The following ATP8B4 variants were observed in gnomAD, a reference collection of about 807,000 sequenced individuals.
ATP8B4 encodes ATPase phospholipid transporting 8B4 (putative).
ATP8B4 carries 133 observed loss-of-function variants against 145.6 expected under a neutral mutation model. The ratio of observed to expected loss-of-function variants is 0.91; its 90% CI spans 0.79 to 1.05. ATP8B4 has a LOEUF of 1.05. Among genes scored for constraint, ATP8B4 ranks in the 50% least tolerant of loss-of-function variants. The pLI, the probability that ATP8B4 is intolerant of heterozygous loss-of-function variation, is 0.00. For synonymous variants in ATP8B4, 507 were observed against 492.9 expected, an observed-to-expected ratio of 1.03 and a Z score of -0.38; for missense variants, 1,458 against 1,425.2, an observed-to-expected ratio of 1.02 and a Z score of -0.37.
At chr15:50,024,239 T>A (rs1319146389) in intron 6 of ATP8B4, among the ~76,000 whole-genome samples, 1 of 152,188 alleles carries the variant, frequency 6.6e-6, no homozygotes, top group African/African-American at 2.4e-5. Flanking sequence ...ACAGATTCTA[T>A]GATAGAGGTA....
intron 23 of ATP8B4, chr15:49,880,735 G>A (rs763199532): frequency 2.0e-5 from 3 of 151,684 alleles, no homozygotes; most frequent in Non-Finnish European, 4.4e-5. Flanking sequence ...TTTTCATTAT[G>A]TGGTCTAAAC....
At chr15:49,931,369 A>G (rs1347422010) in intron 15 of ATP8B4, 62 bp from the exon 16 acceptor site, 2 of 1,479,878 alleles carry the variant, frequency 1.4e-6, no homozygotes, top group African/African-American at 1.4e-5. Flanking sequence ...TAGAGTTCCA[A>G]TGCCAACTCC....
intron 1 of ATP8B4, among the ~76,000 whole-genome samples, chr15:50,138,948 G>T (rs1299046795): frequency 6.6e-6 from 1 of 152,144 alleles, no homozygotes; most frequent in Non-Finnish European, 1.5e-5. Flanking sequence ...TTCTCATGCT[G>T]GCAAGGCTGT....
In ATP8B4 at chr15:49,860,328, G is replaced by A; in HGVS notation, c.3445C>T (p.Arg1149Ter). The A allele has an allele frequency of 1.9e-6, 3 of 1,614,042 alleles. No individual in the cohort carries two copies. Among genetic ancestry groups the A allele is most frequent in the Non-Finnish European group, 2.5e-6 (3 of 1,179,988 alleles). ...GELITSGKNM[R>*]AKNPPPTSGL... Reference sequence around the variant, plus strand: ...GATGTTGGGGGTGGATTTTTAGCTCGCATATTTTTTCCAGATGTGATAAGC... The same window carrying A: ...GATGTTGGGGGTGGATTTTTAGCTCACATATTTTTTCCAGATGTGATAAGC... The change falls in exon 28 of 28, where the codon CGA becomes TGA. Residue 1149 changes from arginine (R) to a stop codon, truncating the protein, a stop_gained. Coordinates refer to ENST00000284509, the MANE Select transcript of ATP8B4 (RefSeq NM_024837.4). LOFTEE classifies it high-confidence loss of function.
intron 20 of ATP8B4, among the ~76,000 whole-genome samples, chr15:49,915,608 G>A (rs1043822247): frequency 4.0e-5 from 6 of 151,878 alleles, no homozygotes; most frequent in Non-Finnish European, 8.8e-5. Flanking sequence ...AATTTAAAGA[G>A]TCAATCCAAA....
chr15:49,950,609 AACAAACAAAC>A (rs2042996943), intron 14 of ATP8B4, among the ~76,000 whole-genome samples: 1 of 101,138 alleles, frequency 9.9e-6, no homozygotes, highest in African/African-American at 3.4e-5. Flanking sequence ...AAAACAAACA[AACAAACAAAC>A]AAAAAAAACA....
intron 23 of ATP8B4, 67 bp from the exon 24 acceptor site, chr15:49,879,526 T>G (rs550796708): frequency 1.4e-6 from 2 of 1,402,604 alleles, no homozygotes; most frequent in East Asian, 4.8e-5. Flanking sequence ...CACATTTAGG[T>G]TAAATAACCA....
chr15:49,923,502 G>GAAA lies in ATP8B4; in HGVS notation c.1643-11_1643-9dup. ...GTCCTTCTGGGTTTCGAACTGAAAA[G>GAAA]AAAAAAGTTTGGAAAAGCAGAATAT... On this transcript the variant is annotated splice_polypyrimidine_tract_variant and intron_variant, in intron 16 of 27. Transcript: ENST00000284509. 3 of 1,573,608 alleles carry GAAA rather than the reference G, an allele frequency of 1.9e-6. No individual in the cohort carries two copies. Among genetic ancestry groups the GAAA allele is most frequent in the Non-Finnish European group, 2.6e-6 (3 of 1,157,880 alleles).
chr15:50,177,203 T>C (rs1339360061), intron 1 of ATP8B4, among the ~76,000 whole-genome samples: 1 of 152,232 alleles, frequency 6.6e-6, no homozygotes, highest in Non-Finnish European at 1.5e-5. Flanking sequence ...TAATCTATAC[T>C]TTTTTGTCAA....
chr15:49,992,376 C>T (rs532171970), intron 9 of ATP8B4, among the ~76,000 whole-genome samples: 1 of 152,266 alleles, frequency 6.6e-6, no homozygotes, highest in South Asian at 2.1e-4. Context: ...ACTTATTAAC[C>T]ACTGTATCCC....
At chr15:50,087,011 CTA>C (rs1470034552) in intron 2 of ATP8B4, among the ~76,000 whole-genome samples, 1 of 102,850 alleles carries the variant, frequency 9.7e-6, no homozygotes, top group Non-Finnish European at 1.8e-5. Flanking sequence ...ATATAGAGAT[CTA>C]TATTATTATA....
intron 26 of ATP8B4, 65 bp from the exon 27 acceptor site, chr15:49,862,440 TTC>T: frequency 6.5e-7 from 1 of 1,538,826 alleles, no homozygotes; most frequent in Non-Finnish European, 8.8e-7. Flanking sequence ...AATTAATAGG[TTC>T]TTTGTTCCTA....
At chr15:50,167,319 A>G (rs576368168) in intron 1 of ATP8B4, among the ~76,000 whole-genome samples, 1 of 152,190 alleles carries the variant, frequency 6.6e-6, no homozygotes, top group African/African-American at 2.4e-5. Context: ...GTGTCAGCAG[A>G]GTTGATTCCT....
At chr15:50,012,501 G>A (rs1017116040) in intron 6 of ATP8B4, among the ~76,000 whole-genome samples, 5 of 152,114 alleles carry the variant, frequency 3.3e-5, no homozygotes, top group Admixed American at 6.6e-5. Flanking sequence ...TGTTGACGCC[G>A]AGCCTAGCAC....
intron 20 of ATP8B4, chr15:49,901,840 T>C: frequency 2.3e-6 from 1 of 428,422 alleles, no homozygotes; most frequent in Non-Finnish European, 4.6e-6. Flanking sequence ...AAAATTGTAT[T>C]CAGCTTAAAA....
chr15:50,060,533 T>C (rs2052934557), intron 3 of ATP8B4, among the ~76,000 whole-genome samples: 1 of 152,192 alleles, frequency 6.6e-6, no homozygotes, highest in Admixed American at 6.5e-5. Flanking sequence ...CATGTAAATT[T>C]GCATGGGAAT....
chr15:50,153,538 C>T lies in ATP8B4; in HGVS notation c.-43+28723G>A, dbSNP rs964551541. ...ATTTTTAGTAGAGACGGGGTTTCAC[C>T]GTGTTAGCCAGGATAGTCTCGATCT... On this transcript the variant is annotated intron_variant, in intron 1 of 3. Transcript: ENST00000558829. Among the ~76,000 whole-genome samples the T allele has an allele frequency of 2.6e-5, 4 of 152,080 alleles. No homozygotes were observed. The East Asian group carries it at 5.8e-4, about 22-fold the overall frequency.
At chr15:49,867,520 C>T (rs1050796479) in intron 25 of ATP8B4, among the ~76,000 whole-genome samples, 3 of 152,208 alleles carry the variant, frequency 2.0e-5, no homozygotes, top group Admixed American at 6.5e-5. Flanking sequence ...AAGACATGCC[C>T]GCTTTCCAGT....
chr15:50,083,202 G>A (rs910418223), intron 2 of ATP8B4, among the ~76,000 whole-genome samples: 4 of 152,158 alleles, frequency 2.6e-5, no homozygotes, highest in South Asian at 2.1e-4. Flanking sequence ...CCTTCCTGTA[G>A]TGCGTGTTTC....
Sources: allele counts gnomAD v4.1 joint callset (sites outside exome capture counted in the v4.1 genomes callset), GRCh38; gene constraint gnomAD v4.1.1; transcripts MANE v1.5; gene names NCBI Gene and HGNC (gene_info 2026-07-23, HGNC 2026-07-21).